The following SYNJ1 variants were observed in gnomAD, a reference collection of about 807,000 sequenced individuals.
The protein encoded by SYNJ1 is synaptojanin 1, also known as polyphosphatidylinositol phosphatase SYNJ1.
SYNJ1 carries 78 observed loss-of-function variants against 168.2 expected under a neutral mutation model. That is an observed-to-expected ratio of 0.46 (90% CI 0.39 to 0.56). The LOEUF (loss-of-function observed/expected upper bound fraction) is 0.56, where lower values mean the gene tolerates loss of function less well. Among genes scored for constraint, SYNJ1 ranks in the 20% least tolerant of loss-of-function variants. The pLI, the probability that SYNJ1 is intolerant of heterozygous loss-of-function variation, is 0.00. For missense variants in SYNJ1, 1,303 were observed against 1,597.6 expected, an observed-to-expected ratio of 0.82 and a Z score of 3.14; for synonymous variants, 539 against 548.6, an observed-to-expected ratio of 0.98 and a Z score of 0.24.
Position 32,639,058 on chromosome 21 carries a change from C to T in SYNJ1, c.3765G>A (p.Pro1255=), listed in dbSNP as rs781500048. ...GAGGCTCTTGCAACCTTTGAGCAGG[C>T]GGGGGCAAAGAAGACTGCGGAGGAA... ...AAFPPQSSLP[P]PAQRLQEPLV... Residue 1255 remains proline (P), a synonymous_variant, in exon 31 of 33, where the codon CCG becomes CCA. Transcript: ENST00000674351. 1.4e-5 allele frequency: 23 copies of T among 1,613,678 alleles called. No individual in the cohort carries two copies. Among genetic ancestry groups the T allele is most frequent in the South Asian group, 3.3e-5 (3 of 91,042 alleles).
intron 23 of SYNJ1, among the ~76,000 whole-genome samples, chr21:32,647,323 G>C (rs1171545025): frequency 6.6e-6 from 1 of 152,158 alleles, no homozygotes; most frequent in Non-Finnish European, 1.5e-5. Flanking sequence ...CACTCACTGA[G>C]GACTAAGCAG....
intron 31 of SYNJ1, among the ~76,000 whole-genome samples, chr21:32,635,551 C>T (rs569167819): frequency 6.6e-6 from 1 of 152,252 alleles, no homozygotes. Context: ...TTGTGTAAGC[C>T]ACCCAGTCTA....
intron 18 of SYNJ1, among the ~76,000 whole-genome samples, chr21:32,662,007 G>A (rs1270560914): frequency 2.0e-5 from 3 of 152,088 alleles, no homozygotes; most frequent in African/African-American, 2.4e-5. Flanking sequence ...GTCCCTTTGC[G>A]GCCACAGTGG....
At chr21:32,689,225 C>T (rs944745270) in intron 6 of SYNJ1, among the ~76,000 whole-genome samples, 1 of 152,168 alleles carries the variant, frequency 6.6e-6, no homozygotes, top group Non-Finnish European at 1.5e-5. Flanking sequence ...ATGAAGGTTG[C>T]CCAATCACAA....
chr21:32,628,954 T>A lies in SYNJ1; in HGVS notation c.*2851A>T, dbSNP rs2145643731. ...AGAGAACACAGAGTTCACAAAGAGATCCTTAGTGTCTAACTTCTGCTCTGC... is the reference window on the plus strand; with the variant it reads ...AGAGAACACAGAGTTCACAAAGAGAACCTTAGTGTCTAACTTCTGCTCTGC... On this transcript the variant is annotated 3_prime_UTR_variant, in exon 33 of 33. Transcript: ENST00000674351. The A allele has an allele frequency of 6.5e-6, 1 of 152,722 alleles. No homozygotes were observed. The allele number at this position is 152,722 out of a possible 1,614,324, so 9.5% of individuals were successfully genotyped here.
At chr21:32,701,902 C>A in intron 3 of SYNJ1, 59 bp downstream of exon 3, 1 of 1,341,494 alleles carries the variant, frequency 7.5e-7, no homozygotes, top group Non-Finnish European at 1.0e-6. Context: ...CTCTCAAATC[C>A]TTAGAATTAC....
chr21:32,717,459 T>C (rs373056709), intron 2 of SYNJ1, among the ~76,000 whole-genome samples: 2 of 152,352 alleles, frequency 1.3e-5, no homozygotes, highest in South Asian at 2.1e-4. Context: ...ATACAGTTAT[T>C]TGGAAGTTCG....
In SYNJ1 at chr21:32,702,060, G is replaced by A; in HGVS notation, c.125-13C>T. Reference sequence around the variant, plus strand: ...TTTTCTGCAGATGCTACAAAAAAAAGTTTTAGTTTAAGAAAAATGACCTGA... The same window carrying A: ...TTTTCTGCAGATGCTACAAAAAAAAATTTTAGTTTAAGAAAAATGACCTGA... On this transcript the variant is annotated splice_polypyrimidine_tract_variant and intron_variant, in intron 2 of 32. Transcript: ENST00000674351. The A allele has an allele frequency of 6.5e-7, 1 of 1,543,904 alleles. No individual in the cohort carries two copies. The highest frequency in any genetic ancestry group is 8.8e-7 in the Non-Finnish European group (1 of 1,135,856).
At position 32,699,995 on chromosome 21, in the gene SYNJ1, T is replaced by C. The variant is rs2042343177; in HGVS notation, c.322A>G (p.Ile108Val). 1 of 1,614,214 alleles carries C rather than the reference T, an allele frequency of 6.2e-7. No homozygotes were observed. The highest frequency in any genetic ancestry group is 8.5e-7 in the Non-Finnish European group (1 of 1,180,040). The change falls in exon 4 of 33, where the codon ATC (isoleucine) becomes GTC (valine). Residue 108 changes from isoleucine to valine, a missense_variant. Around this residue, in one of 2 missense-constraint regions of SYNJ1, gnomAD observed 920 missense variants for 1,208.8 expected, o/e 0.76. Coordinates refer to ENST00000674351, the MANE Select transcript of SYNJ1 (RefSeq NM_203446.3). ...ATGCGATCCTCATCTGAAGAATCGA[T>C]TCGCAGTGATATAAACTCAGTGGAA... The part of the protein sequence containing the change: ...VTSTEFISLR[I>V]DSSDEDRISE...
At chr21:32,636,349 G>A (rs989174763) in intron 31 of SYNJ1, among the ~76,000 whole-genome samples, 7 of 152,060 alleles carry the variant, frequency 4.6e-5, no homozygotes, top group East Asian at 3.9e-4. Context: ...ATAATCACTC[G>A]AATTAAATGA....
intron 12 of SYNJ1, among the ~76,000 whole-genome samples, chr21:32,678,106 ATATT>A (rs1216787829): frequency 6.6e-6 from 1 of 152,152 alleles, no homozygotes; most frequent in Non-Finnish European, 1.5e-5. Context: ...TGAAGGTCAT[ATATT>A]TATTTCAAAT....
Position 32,645,706 on chromosome 21 carries a change from G to C in SYNJ1, c.3331C>G (p.Pro1111Ala). ...QPLEPKRPPP[P>A]RPVAPPTRPA... ...CGTGTGGGAGGGGCGACCGGGCGGG[G>C]CGGCGGCGGCCGCTTGGGCTCCAAG... is the stretch of plus-strand genomic sequence containing the variant. The change falls in exon 25 of 33, where the codon CCC (proline) becomes GCC (alanine). Residue 1111 changes from proline (P) to alanine (A), a missense_variant. Physicochemically the swap from Pro to Ala is conservative, Grantham distance 27 (BLOSUM62 -1). Coordinates refer to ENST00000674351, the MANE Select transcript of SYNJ1 (RefSeq NM_203446.3). 1 of 1,479,888 alleles carries C rather than the reference G, an allele frequency of 6.8e-7. No homozygotes were observed. Among genetic ancestry groups the C allele is most frequent in the East Asian group, 2.4e-5 (1 of 41,038 alleles). 91.7% of individuals were successfully genotyped at this position (1,479,888 alleles called of 1,614,324 possible). A position where few individuals can be genotyped will look rare whatever the true frequency, so the allele number is the denominator to read the frequency against.
intron 18 of SYNJ1, among the ~76,000 whole-genome samples, chr21:32,659,585 G>T (rs2040597137): frequency 6.6e-6 from 1 of 152,112 alleles, no homozygotes; most frequent in African/African-American, 2.4e-5. Context: ...TCCCTGTCCT[G>T]TTCTGTTCTG....
chr21:32,724,299 C>A (rs1601554302), intron 2 of SYNJ1, among the ~76,000 whole-genome samples: 1 of 152,148 alleles, frequency 6.6e-6, no homozygotes, highest in Non-Finnish European at 1.5e-5. Flanking sequence ...ACCAGCCTGG[C>A]CAACATGATG....
Position 32,726,838 on chromosome 21 carries a change from G to C in SYNJ1, c.58C>G (p.Leu20Val). The C allele has an allele frequency of 6.2e-7, 1 of 1,614,158 alleles. No individual in the cohort carries two copies. The highest frequency in any genetic ancestry group is 8.5e-7 in the Non-Finnish European group (1 of 1,180,030). Residue 20 changes from leucine (L) to valine (V), a missense_variant, in exon 2 of 33, where the codon CTC (leucine) becomes GTC (valine). By Grantham distance (32) the Leu-to-Val change is conservative. Transcript: ENST00000674351. ...YHKLDPPPFS[L>V]IVETRHKEEC... The stretch of plus-strand genomic sequence containing the variant: ...TCCTTATGCCTAGTTTCCACTATGA[G>C]GCTGAAAGGTGGGGGATCCAATTTG...
chr21:32,672,629 C>T (rs774936009), intron 14 of SYNJ1, among the ~76,000 whole-genome samples: 22 of 152,078 alleles, frequency 1.4e-4, no homozygotes, highest in African/African-American at 2.7e-4. Context: ...CGTGAGCCAC[C>T]GTGCCCAGCC....
Position 32,686,993 on chromosome 21 carries a change from T to C in SYNJ1, c.933A>G (p.Leu311=). 1.3e-6 allele frequency: 2 copies of C among 1,546,036 alleles called. No homozygotes were observed. Among genetic ancestry groups the C allele is most frequent in the Admixed American group, 2.2e-5 (1 of 46,210 alleles). The change falls in exon 8 of 33, where the codon CTA becomes CTG. Residue 311 remains leucine (L), a synonymous_variant. Coordinates refer to ENST00000674351, the MANE Select transcript of SYNJ1 (RefSeq NM_203446.3). ...LLGSKEGEHM[L]SKAFQSHLKA... ...CCATACTTACCTGGAAAGCTTTACT[T>C]AGCATATGTTCACCTTCCTTAGATC...
chr21:32,647,838 A>C (rs988244208), intron 23 of SYNJ1, among the ~76,000 whole-genome samples: 2 of 152,186 alleles, frequency 1.3e-5, no homozygotes, highest in Admixed American at 1.3e-4. Flanking sequence ...TATGCTTTTC[A>C]GTCTCTTCTG....
At chr21:32,673,599 C>A (rs1252503052) in intron 13 of SYNJ1, 68 bp from the exon 14 acceptor site, 9 of 1,360,790 alleles carry the variant, frequency 6.6e-6, no homozygotes, top group Non-Finnish European at 8.8e-6. Context: ...ATTTTCATAA[C>A]TGAGATACGA....
Sources: gnomAD v4.1 joint callset for allele counts (sites outside exome capture counted in the v4.1 genomes callset) on GRCh38, gnomAD v4.1.1 for gene constraint, gnomAD v4.1.1 regional missense constraint, MANE v1.5 for transcripts, NCBI Gene and HGNC (gene_info 2026-07-23, HGNC 2026-07-21) for gene names.